The following PTPRK variants were observed in gnomAD, a reference collection of about 807,000 sequenced individuals.
The protein encoded by PTPRK is receptor-type tyrosine-protein phosphatase kappa.
A neutral mutation model predicts 178.0 loss-of-function variants in PTPRK; 75 were observed. That is an observed-to-expected ratio of 0.42 (90% CI 0.35 to 0.51). PTPRK has a LOEUF of 0.51. Among genes scored for constraint, PTPRK ranks in the 20% least tolerant of loss-of-function variants. The pLI, the probability that PTPRK is intolerant of heterozygous loss-of-function variation, is 0.02. For synonymous variants in PTPRK, 637 were observed against 620.6 expected (o/e 1.03, Z -0.39); for missense variants, 1,441 against 1,797.8 (o/e 0.80, Z 3.59).
At chr6:128,062,239 T>C (rs1307687465) in intron 13 of PTPRK, 1 of 166,356 alleles carries the variant, frequency 6.0e-6, no homozygotes, top group Admixed American at 6.6e-5. Flanking sequence ...TGAGACATAG[T>C]CTCACTCTGT....
intron 13 of PTPRK, among the ~76,000 whole-genome samples, chr6:128,014,553 T>C (rs1779389814): frequency 6.6e-6 from 1 of 151,658 alleles, no homozygotes; most frequent in Admixed American, 6.6e-5. Context: ...CATGGGATAG[T>C]AGAAATAGTA....
chr6:127,984,291 A>C (rs1775700937), intron 22 of PTPRK, among the ~76,000 whole-genome samples: 1 of 152,194 alleles, frequency 6.6e-6, no homozygotes, highest in Admixed American at 6.5e-5. Flanking sequence ...ATCATTTACC[A>C]GACTCATCCT....
chr6:128,184,378 T>G (rs1359030131), intron 7 of PTPRK, 54 bp downstream of exon 7: 2 of 1,528,986 alleles, frequency 1.3e-6, no homozygotes, highest in African/African-American at 2.8e-5. Context: ...TGTATTAATG[T>G]GTCTTATGCT....
intron 3 of PTPRK, among the ~76,000 whole-genome samples, chr6:128,254,717 C>CA (rs1817002946): frequency 6.6e-6 from 1 of 151,318 alleles, no homozygotes; most frequent in African/African-American, 2.4e-5. Context: ...CTAGAATACT[C>CA]AGAGATTATT....
At position 128,012,702 on chromosome 6, in the gene PTPRK, A is replaced by G. The variant is rs575213333; in HGVS notation, c.2195-3434T>C. ...CTTGATCAATTGTGTCCTTGCTCCC[A>G]CTACTTAAAAATGAAATAGCTTTAA... On this transcript the variant is annotated intron_variant, in intron 13 of 29. Transcript: ENST00000368226. Among the ~76,000 whole-genome samples, 195 of 151,474 alleles carry G rather than the reference A, an allele frequency of 1.3e-3. 2 individuals are homozygous for G. The highest frequency in any genetic ancestry group is 1.3e-3 in the Non-Finnish European group (89 of 67,546).
chr6:128,100,191 T>C (rs181816124), intron 7 of PTPRK, among the ~76,000 whole-genome samples: 24 of 152,144 alleles, frequency 1.6e-4, no homozygotes, highest in Non-Finnish European at 3.2e-4. Context: ...CAAGGATTAA[T>C]TGCTTCAGCT....
At position 127,977,019 on chromosome 6, in the gene PTPRK, T is replaced by C. The variant is rs776094998; in HGVS notation, c.3747A>G (p.Gln1249=). The C allele has an allele frequency of 1.2e-6, 2 of 1,614,060 alleles. No individual in the cohort carries two copies. The highest frequency in any genetic ancestry group is 1.7e-6 in the Non-Finnish European group (2 of 1,179,942). The change falls in exon 26 of 30, where the codon CAA becomes CAG. Residue 1249 remains glutamine (Q), a synonymous_variant. Coordinates refer to ENST00000368226, the MANE Select transcript of PTPRK (RefSeq NM_002844.4). ...CTTTTACAGTGTTTGGCAGAGGGTA[T>C]TGTGTGACGATGAAAGCAGCTGGTT... The part of the protein sequence containing the change: ...YRQPAAFIVT[Q]YPLPNTVKDF...
chr6:127,994,059 A>G (rs937138997), intron 18 of PTPRK, among the ~76,000 whole-genome samples: 11 of 151,754 alleles, frequency 7.2e-5, no homozygotes, highest in Non-Finnish European at 1.6e-4. Flanking sequence ...TTAGTTTTAC[A>G]TAATGATGTT....
chr6:128,442,372 C>T (rs1482646256), intron 1 of PTPRK, among the ~76,000 whole-genome samples: 1 of 152,120 alleles, frequency 6.6e-6, no homozygotes, highest in Non-Finnish European at 1.5e-5. Flanking sequence ...TCAGCATTGA[C>T]TAGGGATCTA....
At chr6:128,344,766 T>G (rs1231989904) in intron 2 of PTPRK, among the ~76,000 whole-genome samples, 1 of 152,172 alleles carries the variant, frequency 6.6e-6, no homozygotes. Context: ...TCTGCCTGCC[T>G]CAGCCTCCCA....
intron 7 of PTPRK, among the ~76,000 whole-genome samples, chr6:128,109,394 T>A (rs542919361): frequency 2.6e-5 from 4 of 152,322 alleles, no homozygotes; most frequent in African/African-American, 9.6e-5. Flanking sequence ...TATTTACATA[T>A]GTTAAATGTG....
intron 2 of PTPRK, among the ~76,000 whole-genome samples, chr6:128,324,970 TTTATG>T (rs1829344019): frequency 1.3e-5 from 2 of 152,196 alleles, no homozygotes; most frequent in African/African-American, 2.4e-5. Flanking sequence ...TCTCTCATAC[TTTATG>T]TTATAATTTA....
chr6:128,410,600 A>G (rs1308268810), intron 1 of PTPRK, among the ~76,000 whole-genome samples: 1 of 152,210 alleles, frequency 6.6e-6, no homozygotes, highest in Non-Finnish European at 1.5e-5. Flanking sequence ...GGTAACCTCC[A>G]CAACAGGCAG....
intron 11 of PTPRK, among the ~76,000 whole-genome samples, chr6:128,071,057 C>T (rs1274720927): frequency 6.6e-6 from 1 of 151,478 alleles, no homozygotes; most frequent in Non-Finnish European, 1.5e-5. Flanking sequence ...TCCATTAACT[C>T]ATTTTCATTC....
Position 128,429,676 on chromosome 6 carries a change from CAGAGA to C in PTPRK, c.101-31993_101-31989del, listed in dbSNP as rs576790011. 4.8e-3 allele frequency among the ~76,000 whole-genome samples: 734 copies of C among 152,164 alleles called. 7 individuals are homozygous for C. Among genetic ancestry groups the C allele is most frequent in the African/African-American group, 0.017 (707 of 41,506 alleles). ...GCATTCCAGTGGCAAGACATGAGAGCAGAGAAATGTTTTAAAGGGGCATTTCTGTT... is the reference window on the plus strand; with the variant it reads ...GCATTCCAGTGGCAAGACATGAGAGCAATGTTTTAAAGGGGCATTTCTGTT... On this transcript the variant is annotated intron_variant, in intron 1 of 29. Transcript: ENST00000368226.
chr6:128,386,447 G>A (rs529885662), intron 2 of PTPRK, among the ~76,000 whole-genome samples: 2 of 152,188 alleles, frequency 1.3e-5, no homozygotes, highest in South Asian at 4.1e-4. Context: ...TTAATCCCTG[G>A]CAAGCAAGGA....
chr6:128,064,707 T>G (rs1004120090), intron 13 of PTPRK, 51 bp downstream of exon 13: 10 of 1,554,626 alleles, frequency 6.4e-6, no homozygotes, highest in Non-Finnish European at 8.6e-6. Flanking sequence ...CCTTCCATTT[T>G]AGAAAGGGGG....
intron 1 of PTPRK, among the ~76,000 whole-genome samples, chr6:128,426,740 G>C (rs1200958880): frequency 1.3e-5 from 2 of 152,056 alleles, no homozygotes; most frequent in Non-Finnish European, 2.9e-5. Flanking sequence ...TGTTTTGGCG[G>C]GAAAAGTGAA....
intron 6 of PTPRK, among the ~76,000 whole-genome samples, chr6:128,216,166 T>A (rs760011244): frequency 6.6e-6 from 1 of 152,096 alleles, no homozygotes; most frequent in Non-Finnish European, 1.5e-5. Context: ...GATAACAAAT[T>A]CAAAATGCCA....
Sources: allele counts gnomAD v4.1 joint callset (sites outside exome capture counted in the v4.1 genomes callset), GRCh38; gene constraint gnomAD v4.1.1; transcripts MANE v1.5; gene names NCBI Gene and HGNC (gene_info 2026-07-23, HGNC 2026-07-21).